Variants in SETD1A observed in about 807,000 individuals in gnomAD.
SETD1A encodes histone-lysine N-methyltransferase SETD1A.
A neutral mutation model predicts 149.9 loss-of-function variants in SETD1A; 29 were observed. The ratio of observed to expected loss-of-function variants is 0.19; its 90% CI spans 0.14 to 0.26. The LOEUF is 0.26. Among genes scored for constraint, SETD1A ranks in the 10% least tolerant of loss-of-function variants. The pLI is 1.00. For missense variants in SETD1A, 2,109 were observed against 2,353.1 expected, an observed-to-expected ratio of 0.90 and a Z score of 2.15; for synonymous variants, 1,141 against 968.5, an observed-to-expected ratio of 1.18 and a Z score of -3.31.
rs746805776 is a variant in SETD1A at position 30,964,124 on chromosome 16, A to C, written c.670A>C (p.Thr224Pro). Residue 224 changes from threonine (T) to proline (P), a missense_variant, in exon 6 of 19, where the codon ACA becomes CCA. Around this residue, in one of 8 missense-constraint regions of SETD1A, gnomAD observed 410 missense variants for 394.8 expected, o/e 1.04. Transcript: ENST00000262519. Reference protein sequence around the residue: ...AESRRRSSSDTAAYPAGTTAV... With the variant: ...AESRRRSSSDPAAYPAGTTAV... ...ATCCCGCCGCCGCTCTTCCTCTGAC[A>C]CAGCTGCCTACCCAGCAGGCACCAC... 2 of 1,613,846 alleles carry C rather than the reference A, an allele frequency of 1.2e-6. No individual in the cohort carries two copies. Among genetic ancestry groups the C allele is most frequent in the Admixed American group, 1.7e-5 (1 of 60,016 alleles).
Position 30,961,520 on chromosome 16 carries a change from C to T in SETD1A, c.500C>T (p.Ala167Val). ...LTSVMGNIIHAQLDIKGQQRM... is the reference protein window; with the variant it reads ...LTSVMGNIIHVQLDIKGQQRM... The stretch of plus-strand genomic sequence containing the variant: ...TCCGTCATGGGCAACATCATCCATG[C>T]CCAGCTTGACATCAAAGGTGAGGAC... Residue 167 changes from alanine to valine, a missense_variant, in exon 4 of 19, where the codon GCC becomes GTC. Transcript: ENST00000262519. The surrounding 1 kb of genome is among the most constrained non-coding windows in gnomAD (Gnocchi z 4.0). 3.1e-6 allele frequency: 5 copies of T among 1,613,958 alleles called. No homozygotes were observed. Among genetic ancestry groups the T allele is most frequent in the Non-Finnish European group, 3.4e-6 (4 of 1,179,960 alleles).
In SETD1A at chr16:30,978,272, CAAAAAAA is replaced by C. The variant is rs72209091; in HGVS notation, c.3359-860_3359-854del. Among the ~76,000 whole-genome samples the C allele has an allele frequency of 5.2e-4, 50 of 96,652 alleles. 1 individual carries two copies. Among genetic ancestry groups the C allele is most frequent in the Middle Eastern group, 0.013 (2 of 156 alleles). The allele number at this position is 96,652 out of a possible 152,430, so 63.4% of individuals were successfully genotyped here. ...CTGGCGACAGGGCGAGACCCCATCT[CAAAAAAA>C]AAAAAAAAAAAAGATAGGAACCTCT... On this transcript the variant is annotated intron_variant, in intron 13 of 18. Transcript: ENST00000262519.
intron 12 of SETD1A, 122 bp from the exon 13 acceptor site, chr16:30,971,256 C>T (rs906972923): frequency 2.0e-6 from 2 of 1,000,484 alleles, no homozygotes; most frequent in East Asian, 5.1e-5. Context: ...GCTCCTTGGT[C>T]TGTTGGACTT....
At position 30,964,154 on chromosome 16, in the gene SETD1A, G is replaced by T; in HGVS notation, c.700G>T (p.Val234Leu). 6.2e-7 allele frequency: 1 copy of T among 1,614,100 alleles called. No homozygotes were observed. Among genetic ancestry groups the T allele is most frequent in the Non-Finnish European group, 8.5e-7 (1 of 1,179,998 alleles). The change falls in exon 6 of 19, where the codon GTG becomes TTG. Residue 234 changes from valine (V) to leucine (L), a missense_variant. Around this residue, in one of 8 missense-constraint regions of SETD1A, gnomAD observed 410 missense variants for 394.8 expected, o/e 1.04. Transcript: ENST00000262519. ...TAAYPAGTTA[V>L]GTPGNGTPCS... Reference sequence around the variant, plus strand: ...TGCCTACCCAGCAGGCACCACTGCGGTGGGCACTCCTGGCAACGGCACCCC... The same window carrying T: ...TGCCTACCCAGCAGGCACCACTGCGTTGGGCACTCCTGGCAACGGCACCCC...
rs1171095396 is a variant in SETD1A, at chr16:30,980,761, A to C, written c.4604A>C (p.Glu1535Ala). ...CAGGGGACGAACCGCGTGCTGTCCG[A>C]GCGCCGGTCCGAGCAGCGGCGGCTG... is the stretch of plus-strand genomic sequence containing the variant. ...DTQGTNRVLS[E>A]RRSEQRRLLS... The change falls in exon 16 of 19, where the codon GAG becomes GCG. Residue 1535 changes from glutamate to alanine, a missense_variant. This residue lies in a region of SETD1A where 254 missense variants were observed against 409.3 expected (regional missense o/e 0.62). Transcript: ENST00000262519. The surrounding 1 kb of genome is among the most constrained non-coding windows in gnomAD (Gnocchi z 7.7). The C allele has an allele frequency of 6.2e-7, 1 of 1,612,874 alleles. No homozygotes were observed. The highest frequency in any genetic ancestry group is 8.5e-7 in the Non-Finnish European group (1 of 1,179,826).
At chr16:30,964,022 G>T in intron 5 of SETD1A, 72 bp from the exon 6 acceptor site, 1 of 1,217,284 alleles carries the variant, frequency 8.2e-7, no homozygotes. Context: ...AGGATTCCTG[G>T]TTTGGGAAAG....
chr16:30,980,237 C>A lies in SETD1A; in HGVS notation c.4408+43C>A. ...GGCCTTCCCCGGGCTTGGGTCCTCC[C>A]CCGACCCCTCCAGGCACCTGCATCT... On this transcript the variant is annotated intron_variant, in intron 14 of 18. Coordinates refer to ENST00000262519, the MANE Select transcript of SETD1A (RefSeq NM_014712.3). The surrounding 1 kb of genome is among the most constrained non-coding windows in gnomAD (Gnocchi z 7.7). The A allele has an allele frequency of 6.5e-7, 1 of 1,549,152 alleles. No individual in the cohort carries two copies. The highest frequency in any genetic ancestry group is 1.2e-5 in the South Asian group (1 of 80,222).
intron 4 of SETD1A, among the ~76,000 whole-genome samples, chr16:30,962,041 CT>C (rs2056059222): frequency 1.3e-5 from 2 of 149,950 alleles, no homozygotes; most frequent in Non-Finnish European, 2.9e-5. Context: ...TGAAGTCTCA[CT>C]ACACTGCCCA....
intron 13 of SETD1A, among the ~76,000 whole-genome samples, chr16:30,978,553 C>G (rs1323871164): frequency 6.6e-6 from 1 of 152,228 alleles, no homozygotes; most frequent in Non-Finnish European, 1.5e-5. Flanking sequence ...TCTAGCAGCG[C>G]TGTCTCCTGC....
Position 30,980,800 on chromosome 16 carries a change from G to A in SETD1A, c.4643G>A (p.Gly1548Asp). The change falls in exon 16 of 19, where the codon GGT becomes GAT. Residue 1548 changes from glycine (G) to aspartate (D), a missense_variant. Around this residue, in one of 8 missense-constraint regions of SETD1A, gnomAD observed 254 missense variants for 409.3 expected, o/e 0.62. Transcript: ENST00000262519. This position sits in a 1 kb window ranked among gnomAD's most constrained non-coding sequence, Gnocchi z 7.7. ...SEQRRLLSAI[G>D]TSAIMDSDLL... ...CAGCGGCGGCTGCTGAGCGCCATCG[G>A]TACCTCCGCCATCATGGACAGTGAC... 1.9e-6 allele frequency: 3 copies of A among 1,584,644 alleles called. No homozygotes were observed. The highest frequency in any genetic ancestry group is 2.6e-6 in the Non-Finnish European group (3 of 1,162,770).
chr16:30,969,280 C>G (rs369726474), intron 10 of SETD1A, 25 bp from the exon 11 acceptor site: 2 of 1,601,318 alleles, frequency 1.2e-6, no homozygotes, highest in African/African-American at 2.7e-5. Context: ...GGTAAATTTC[C>G]CCAACTACCA....
At chr16:30,960,714 ATTTC>A (rs1299208887) in intron 3 of SETD1A, among the ~76,000 whole-genome samples, 18 of 94,112 alleles carry the variant, frequency 1.9e-4, no homozygotes, top group African/African-American at 3.5e-4. Context: ...CAGTGTGTAC[ATTTC>A]TTTCTTTCTT....
chr16:30,980,760 G>A lies in SETD1A; in HGVS notation c.4603G>A (p.Glu1535Lys). The stretch of plus-strand genomic sequence containing the variant: ...ACAGGGGACGAACCGCGTGCTGTCC[G>A]AGCGCCGGTCCGAGCAGCGGCGGCT... The part of the protein sequence containing the change: ...DTQGTNRVLS[E>K]RRSEQRRLLS... Residue 1535 changes from glutamate to lysine, a missense_variant, in exon 16 of 19, where the codon GAG (glutamate) becomes AAG (lysine). Physicochemically the swap from Glu to Lys is moderately conservative, Grantham distance 56. Transcript: ENST00000262519. The surrounding 1 kb of genome is among the most constrained non-coding windows in gnomAD (Gnocchi z 7.7). 2 of 1,612,886 alleles carry A rather than the reference G, an allele frequency of 1.2e-6. No homozygotes were observed. Among genetic ancestry groups the A allele is most frequent in the Non-Finnish European group, 1.7e-6 (2 of 1,179,834 alleles).
chr16:30,982,663 CCGCAGGAGAGGG>C (rs1343043949), intron 17 of SETD1A, among the ~76,000 whole-genome samples: 3 of 70,858 alleles, frequency 4.2e-5, no homozygotes, highest in South Asian at 3.2e-4. Flanking sequence ...GAGGGTCCTT[CCGCAGGAGAGGG>C]TCCTTCCGCA....
Position 30,973,273 on chromosome 16 carries a change from G to A in SETD1A, c.3358+1554G>A, listed in dbSNP as rs145971346. Among the ~76,000 whole-genome samples the A allele has an allele frequency of 1.9e-3, 285 of 152,272 alleles. 3 individuals are homozygous for A. The highest frequency in any genetic ancestry group is 3.5e-3 in the Non-Finnish European group (241 of 67,996). ...AAAAAATGCAGTGCAGAGAAAGCTT[G>A]GAAAGGGGCCACAGTGGATGTAGGG... On this transcript the variant is annotated intron_variant, in intron 13 of 18. Coordinates refer to ENST00000262519, the MANE Select transcript of SETD1A (RefSeq NM_014712.3).
intron 17 of SETD1A, among the ~76,000 whole-genome samples, chr16:30,981,872 G>A (rs2143595159): frequency 6.6e-6 from 1 of 152,290 alleles, no homozygotes; most frequent in East Asian, 1.9e-4. Flanking sequence ...GATCACTCGA[G>A]ACCACGAGGT....
At chr16:30,973,919 T>C (rs1228103203) in intron 13 of SETD1A, among the ~76,000 whole-genome samples, 1 of 152,086 alleles carries the variant, frequency 6.6e-6, no homozygotes, top group Non-Finnish European at 1.5e-5. Context: ...CTTAGTCCTC[T>C]TCCATTCTCA....
chr16:30,964,181 T>C lies in SETD1A; in HGVS notation c.727T>C (p.Cys243Arg), dbSNP rs888252055. ...GGGCACTCCTGGCAACGGCACCCCC[T>C]GCTCCCAGGACACAAGCTTCTCCAG... ...AVGTPGNGTP[C>R]SQDTSFSSSR... The change falls in exon 6 of 19, where the codon TGC becomes CGC. Residue 243 changes from cysteine to arginine, a missense_variant. Transcript: ENST00000262519. 1.9e-6 allele frequency: 3 copies of C among 1,613,940 alleles called. No homozygotes were observed. The highest frequency in any genetic ancestry group is 2.5e-6 in the Non-Finnish European group (3 of 1,179,984).
chr16:30,977,488 T>A (rs1019480880), intron 13 of SETD1A, among the ~76,000 whole-genome samples: 4 of 152,216 alleles, frequency 2.6e-5, no homozygotes, highest in African/African-American at 9.6e-5. Flanking sequence ...ATGGGCAGGT[T>A]CCCTTTGGGA....
Sources: gnomAD v4.1 joint callset for allele counts (sites outside exome capture counted in the v4.1 genomes callset) on GRCh38, gnomAD v4.1.1 for gene constraint, gnomAD v4.1.1 regional missense constraint, Gnocchi (gnomAD v3.1) non-coding constraint, MANE v1.5 for transcripts, NCBI Gene and HGNC (gene_info 2026-07-23, HGNC 2026-07-21) for gene names.